The following CYP7B1 variants were observed in gnomAD, a reference collection of about 807,000 sequenced individuals.
The protein encoded by CYP7B1 is cytochrome P450 7B1.
A neutral mutation model predicts 42.7 loss-of-function variants in CYP7B1; 29 were observed. The ratio of observed to expected loss-of-function variants is 0.68; its 90% CI spans 0.51 to 0.93. The LOEUF is 0.93. Among genes scored for constraint, CYP7B1 ranks in the 40% least tolerant of loss-of-function variants. The probability of loss-of-function intolerance (pLI) is 0.00; values close to 1 mark genes in which losing one functional copy is unlikely to be tolerated. For missense variants in CYP7B1, 655 were observed against 600.5 expected (o/e 1.09, Z -0.95); for synonymous variants, 235 against 218.2 (o/e 1.08, Z -0.68).
At chr8:64,749,328 G>A (rs540523781) in intron 1 of CYP7B1, among the ~76,000 whole-genome samples, 2 of 152,174 alleles carry the variant, frequency 1.3e-5, no homozygotes, top group South Asian at 2.1e-4. Flanking sequence ...TGATCCACTC[G>A]CCTCGGCTTT....
At chr8:64,781,507 CTTCT>C (rs1311778080) in intron 1 of CYP7B1, among the ~76,000 whole-genome samples, 1 of 152,094 alleles carries the variant, frequency 6.6e-6, no homozygotes, top group African/African-American at 2.4e-5. Context: ...CCTTTTCCAG[CTTCT>C]AAAGGCTGCC....
At chr8:64,701,771 A>C (rs1289424832) in intron 1 of CYP7B1, among the ~76,000 whole-genome samples, 1 of 152,088 alleles carries the variant, frequency 6.6e-6, no homozygotes, top group Non-Finnish European at 1.5e-5. Context: ...TTTGGTAATA[A>C]GCAACGGCAG....
intron 5 of CYP7B1, among the ~76,000 whole-genome samples, chr8:64,601,373 G>GT (rs1805200103): frequency 6.6e-6 from 1 of 152,094 alleles, no homozygotes; most frequent in African/African-American, 2.4e-5. Flanking sequence ...AATGTCTGAC[G>GT]TTTTTTCCCT....
chr8:64,692,527 GA>G (rs1806763270), intron 1 of CYP7B1, among the ~76,000 whole-genome samples: 2 of 152,312 alleles, frequency 1.3e-5, no homozygotes, highest in South Asian at 4.1e-4. Flanking sequence ...AGTGGAGAGA[GA>G]ACAGAATCTA....
intron 1 of CYP7B1, among the ~76,000 whole-genome samples, chr8:64,772,657 G>A (rs1804255659): frequency 6.6e-6 from 1 of 152,114 alleles, no homozygotes; most frequent in African/African-American, 2.4e-5. Context: ...CTACTTACAG[G>A]TGTCTGGCTT....
intron 1 of CYP7B1, among the ~76,000 whole-genome samples, chr8:64,626,360 G>A (rs1358759979): frequency 3.3e-5 from 5 of 152,186 alleles, no homozygotes; most frequent in Non-Finnish European, 7.4e-5. Flanking sequence ...AAGTTGGAAA[G>A]TTTAGCTGCC....
At chr8:64,634,324 C>T (rs941770743) in intron 1 of CYP7B1, among the ~76,000 whole-genome samples, 2 of 151,882 alleles carry the variant, frequency 1.3e-5, no homozygotes, top group Non-Finnish European at 2.9e-5. Context: ...AATCCCAGCA[C>T]CTTGGGAAGG....
At chr8:64,675,777 A>G (rs569630769) in intron 1 of CYP7B1, among the ~76,000 whole-genome samples, 3 of 152,252 alleles carry the variant, frequency 2.0e-5, no homozygotes, top group African/African-American at 7.2e-5. Context: ...AAATACCCAC[A>G]ATAGCACATA....
intron 1 of CYP7B1, among the ~76,000 whole-genome samples, chr8:64,636,803 C>T (rs184477696): frequency 1.3e-4 from 20 of 152,216 alleles, no homozygotes; most frequent in Non-Finnish European, 2.2e-4. Flanking sequence ...AATGTTTCAA[C>T]GGCCTAGACA....
At chr8:64,767,890 T>C (rs1804133466) in intron 1 of CYP7B1, among the ~76,000 whole-genome samples, 1 of 152,192 alleles carries the variant, frequency 6.6e-6, no homozygotes, top group African/African-American at 2.4e-5. Flanking sequence ...CATGCTCCAA[T>C]GTTAATGACA....
intron 2 of CYP7B1, among the ~76,000 whole-genome samples, chr8:64,620,745 T>A (rs1805519272): frequency 6.6e-6 from 1 of 152,222 alleles, no homozygotes; most frequent in Admixed American, 6.5e-5. Context: ...GACAGGAATT[T>A]ATTCAAATTC....
At chr8:64,625,119 G>T (rs1030711721) in intron 1 of CYP7B1, among the ~76,000 whole-genome samples, 1 of 151,686 alleles carries the variant, frequency 6.6e-6, no homozygotes, top group African/African-American at 2.4e-5. Context: ...GACTACAGGC[G>T]CCTGCCACCA....
chr8:64,746,475 G>T (rs1434196988), intron 1 of CYP7B1, among the ~76,000 whole-genome samples: 1 of 152,118 alleles, frequency 6.6e-6, no homozygotes, highest in Non-Finnish European at 1.5e-5. Context: ...TCAGTTAGTT[G>T]CAATGACTGT....
At chr8:64,722,012 A>C (rs1037728695) in intron 1 of CYP7B1, among the ~76,000 whole-genome samples, 16 of 152,194 alleles carry the variant, frequency 1.1e-4, no homozygotes, top group African/African-American at 3.6e-4. Flanking sequence ...TATAATTTTA[A>C]AAATTAGCAT....
intron 1 of CYP7B1, among the ~76,000 whole-genome samples, chr8:64,668,434 A>G (rs1181934575): frequency 6.6e-6 from 1 of 152,042 alleles, no homozygotes; most frequent in Non-Finnish European, 1.5e-5. Context: ...GCAGGTTTAC[A>G]TATCTGTTTC....
In CYP7B1 at chr8:64,730,578, A is replaced by T. The variant is rs181076801; in HGVS notation, c.122+67888T>A. 2.4e-3 allele frequency among the ~76,000 whole-genome samples: 369 copies of T among 152,210 alleles called. 8 individuals carry two copies. Among genetic ancestry groups the T allele is most frequent in the South Asian group, 4.2e-4 (2 of 4,816 alleles). ...TGAGATGAGTACCTGTTATCTACCT[A>T]ATGATTTGTGAGCTAAAGATCTGGC... On this transcript the variant is annotated intron_variant, in intron 1 of 5. Transcript: ENST00000310193.
chr8:64,776,109 T>C (rs1296624635), intron 1 of CYP7B1, among the ~76,000 whole-genome samples: 1 of 152,140 alleles, frequency 6.6e-6, no homozygotes, highest in Middle Eastern at 3.2e-3. Flanking sequence ...AACTGTAGCA[T>C]TCCAGTGAAG....
chr8:64,791,331 T>A (rs1273067725), intron 1 of CYP7B1, among the ~76,000 whole-genome samples: 1 of 152,342 alleles, frequency 6.6e-6, no homozygotes, highest in South Asian at 2.1e-4. Context: ...GTCCTAATTC[T>A]TGAAGCCTAT....
At chr8:64,739,424 C>T (rs1807537196) in intron 1 of CYP7B1, among the ~76,000 whole-genome samples, 1 of 152,194 alleles carries the variant, frequency 6.6e-6, no homozygotes, top group Non-Finnish European at 1.5e-5. Flanking sequence ...AACGAGAACA[C>T]TAGAGGAAGT....
Sources: gnomAD v4.1 joint callset for allele counts (sites outside exome capture counted in the v4.1 genomes callset) on GRCh38, gnomAD v4.1.1 for gene constraint, MANE v1.5 for transcripts, NCBI Gene and HGNC (gene_info 2026-07-23, HGNC 2026-07-21) for gene names.